Variants in CATSPERE observed in about 807,000 individuals in gnomAD.
CATSPERE encodes catsper channel auxiliary subunit epsilon, also known as cation channel sperm-associated auxiliary subunit epsilon.
Under a neutral mutation model 114.1 loss-of-function variants are expected in CATSPERE, and 93 were observed. That is an observed-to-expected ratio of 0.81 (90% CI 0.69 to 0.97). CATSPERE has a LOEUF of 0.97. CATSPERE is among the 50% of genes least tolerant of loss of function. CATSPERE has a pLI of 0.00. For synonymous variants in CATSPERE, 341 were observed against 384.1 expected, an observed-to-expected ratio of 0.89 and a Z score of 1.31; for missense variants, 1,058 against 1,131.6, an observed-to-expected ratio of 0.93 and a Z score of 0.93.
rs1671554794 is a variant in CATSPERE, at chr1:244,617,572, A to T, written c.2534A>T (p.Asp845Val). The T allele has an allele frequency of 1.9e-6, 3 of 1,539,212 alleles. No individual in the cohort carries two copies. Among genetic ancestry groups the T allele is most frequent in the Non-Finnish European group, 1.7e-6 (2 of 1,143,588 alleles). The change falls in exon 20 of 22, where the codon GAC (aspartate) becomes GTC (valine). Residue 845 changes from aspartate to valine, a missense_variant. Transcript: ENST00000366534. Reference sequence around the variant, plus strand: ...TCTTATGCTATTGGAAAACCAGGAGACTTAAATCAACCATACGAGATTATC... The same window carrying T: ...TCTTATGCTATTGGAAAACCAGGAGTCTTAAATCAACCATACGAGATTATC... ...CFSYAIGKPG[D>V]LNQPYEIINS...
chr1:244,595,738 T>C (rs1484523685), intron 17 of CATSPERE, among the ~76,000 whole-genome samples: 1 of 152,130 alleles, frequency 6.6e-6, no homozygotes, highest in Non-Finnish European at 1.5e-5. Context: ...AAGACCATCC[T>C]GGCTAACACA....
Position 244,475,291 on chromosome 1 carries a change from TG to T in CATSPERE, c.115-2248del, listed in dbSNP as rs527522844. On this transcript the variant is annotated intron_variant, in intron 2 of 21. Coordinates refer to ENST00000366534, the MANE Select transcript of CATSPERE (RefSeq NM_001130957.2). Reference sequence around the variant, plus strand: ...CTCTGTTGCCCAGGCTGGAGTGCAGTGGTATGATCTCGGCTCACTGCAACCT... The same window carrying T: ...CTCTGTTGCCCAGGCTGGAGTGCAGTGTATGATCTCGGCTCACTGCAACCT... Among the ~76,000 whole-genome samples, 39 of 151,792 alleles carry T rather than the reference TG, an allele frequency of 2.6e-4. No homozygotes were observed. In the East Asian group the frequency reaches 7.6e-3, roughly 30 times the overall value.
intron 18 of CATSPERE, among the ~76,000 whole-genome samples, chr1:244,606,013 A>G (rs1427310268): frequency 6.6e-6 from 1 of 152,188 alleles, no homozygotes; most frequent in Non-Finnish European, 1.5e-5. Flanking sequence ...AAAAAATAAC[A>G]TTTATAGTAG....
rs542325809 is a variant in CATSPERE at position 244,461,610 on chromosome 1, A to C, written c.65+116A>C. 3.6e-5 allele frequency: 28 copies of C among 784,414 alleles called. No individual in the cohort carries two copies. The African/African-American group carries it at 4.7e-4, about 13-fold the overall frequency. The allele number at this position is 784,414 out of a possible 1,614,324, so 48.6% of individuals were successfully genotyped here. On this transcript the variant is annotated intron_variant, in intron 1 of 21. Coordinates refer to ENST00000366534, the MANE Select transcript of CATSPERE (RefSeq NM_001130957.2). ...TCGGGACCGCTCGCCCTGGCCGACC[A>C]CTGCCTCGTCTCCTGGCTCCCCAAC...
intron 7 of CATSPERE, among the ~76,000 whole-genome samples, chr1:244,506,052 T>C (rs1157979873): frequency 6.6e-6 from 1 of 152,030 alleles, no homozygotes; most frequent in Non-Finnish European, 1.5e-5. Context: ...CACAGAAATT[T>C]ATCTCCTGTC....
At chr1:244,509,623 A>C (rs1572470445) in intron 7 of CATSPERE, among the ~76,000 whole-genome samples, 1 of 152,196 alleles carries the variant, frequency 6.6e-6, no homozygotes, top group African/African-American at 2.4e-5. Context: ...CTCCCCTTCA[A>C]ATTTTTGGAA....
In CATSPERE at chr1:244,465,894, C is replaced by T. The variant is rs140258541; in HGVS notation, c.114+1938C>T. ...CCTCCAGAGTTGATCTCATTATCTT[C>T]TTCCTAACTTTAGTAGATTTCTTCC... is the stretch of plus-strand genomic sequence containing the variant. On this transcript the variant is annotated intron_variant, in intron 2 of 21. Transcript: ENST00000366534. Among the ~76,000 whole-genome samples the T allele has an allele frequency of 1.5e-4, 23 of 152,288 alleles. No individual in the cohort carries two copies. The East Asian group carries it at 4.4e-3, about 29-fold the overall frequency.
intron 13 of CATSPERE, among the ~76,000 whole-genome samples, chr1:244,585,848 C>G (rs1401696691): frequency 6.6e-6 from 1 of 152,170 alleles, no homozygotes; most frequent in African/African-American, 2.4e-5. Flanking sequence ...TAACCATGCA[C>G]CAAGAACTGG....
chr1:244,477,558 A>G lies in CATSPERE; in HGVS notation c.132A>G (p.Glu44=). The G allele has an allele frequency of 6.3e-7, 1 of 1,594,690 alleles. No individual in the cohort carries two copies. Among genetic ancestry groups the G allele is most frequent in the African/African-American group, 1.3e-5 (1 of 74,544 alleles). ...TTTTTTAGATTAAGTTAGAGTATGA[A>G]GGAACATTATTTACTGAGTGGAGTG... ...STRSTIKLEY[E]GTLFTEWSVP... The change falls in exon 3 of 22, where the codon GAA becomes GAG. Residue 44 remains glutamate, a synonymous_variant. Transcript: ENST00000366534.
chr1:244,498,283 G>T (rs1477651365), intron 6 of CATSPERE, among the ~76,000 whole-genome samples: 2 of 152,116 alleles, frequency 1.3e-5, no homozygotes, highest in Non-Finnish European at 2.9e-5. Flanking sequence ...TTTTGTAAAA[G>T]GGATGAAAAT....
chr1:244,458,896 T>C (rs1455164281), upstream of CATSPERE, among the ~76,000 whole-genome samples: 1 of 152,142 alleles, frequency 6.6e-6, no homozygotes, highest in Non-Finnish European at 1.5e-5. Flanking sequence ...TAGAGCCAAT[T>C]AAAGCCCATT....
chr1:244,548,827 T>G (rs540156657), intron 8 of CATSPERE, among the ~76,000 whole-genome samples: 2 of 152,242 alleles, frequency 1.3e-5, no homozygotes, highest in African/African-American at 4.8e-5. Context: ...TGGTGTTGTT[T>G]TTCTGATTGC....
chr1:244,588,452 G>T (rs767071515), intron 13 of CATSPERE, 30 bp from the exon 14 acceptor site: 3 of 1,561,008 alleles, frequency 1.9e-6, no homozygotes, highest in Admixed American at 1.7e-5. Context: ...CAGAACTGCT[G>T]AACTCACTAC....
intron 8 of CATSPERE, among the ~76,000 whole-genome samples, chr1:244,545,276 C>T (rs1480112283): frequency 2.0e-5 from 3 of 152,184 alleles, no homozygotes; most frequent in Non-Finnish European, 1.5e-5. Flanking sequence ...CTGGCCCCTC[C>T]TATAACCAAG....
intron 20 of CATSPERE, among the ~76,000 whole-genome samples, chr1:244,626,269 T>A (rs2653147): frequency 6.6e-6 from 1 of 151,706 alleles, no homozygotes; most frequent in Non-Finnish European, 1.5e-5. Context: ...GGTGGTCGCC[T>A]GGGATCAGGA....
chr1:244,453,290 A>G (rs909477606), upstream of CATSPERE, among the ~76,000 whole-genome samples: 1 of 152,248 alleles, frequency 6.6e-6, no homozygotes, highest in Admixed American at 6.5e-5. Flanking sequence ...AGTGTTGGGC[A>G]GATAGTAGAT....
chr1:244,477,906 C>T lies in CATSPERE; in HGVS notation c.189C>T (p.Ser63=), dbSNP rs200178961. 4 of 1,601,640 alleles carry T rather than the reference C, an allele frequency of 2.5e-6. No individual in the cohort carries two copies. Among genetic ancestry groups the T allele is most frequent in the Non-Finnish European group, 3.4e-6 (4 of 1,170,292 alleles). Residue 63 remains serine, a splice_region_variant and synonymous_variant, in exon 4 of 22, where the codon AGC becomes AGT. Transcript: ENST00000366534. ...TCTTTCTCATCTTTTTAAACACTAG[C>T]TCACCCACGACAGAATTGCGTTGTT... ...VPETCFVLNK[S]SPTTELRCSS...
intron 7 of CATSPERE, among the ~76,000 whole-genome samples, chr1:244,515,599 G>A (rs1367049949): frequency 2.6e-5 from 4 of 152,194 alleles, no homozygotes; most frequent in Non-Finnish European, 4.4e-5. Flanking sequence ...TATACTCTGA[G>A]AAGAGAGGGG....
At position 244,477,925 on chromosome 1, in the gene CATSPERE, C is replaced by T. The variant is rs559442266; in HGVS notation, c.208C>T (p.Arg70Cys). The T allele has an allele frequency of 1.2e-5, 19 of 1,608,356 alleles. No individual in the cohort carries two copies. The highest frequency in any genetic ancestry group is 4.4e-5 in the South Asian group (4 of 90,758). Residue 70 changes from arginine to cysteine, a missense_variant, in exon 4 of 22, where the codon CGT becomes TGT. Physicochemically the swap from Arg to Cys is radical, Grantham distance 180. Transcript: ENST00000366534. ...CACTAGCTCACCCACGACAGAATTG[C>T]GTTGTTCCTCACCTGGTGTTCACGC... is the stretch of plus-strand genomic sequence containing the variant. The part of the protein sequence containing the change: ...LNKSSPTTEL[R>C]CSSPGVHAIK...
Sources: allele counts gnomAD v4.1 joint callset (sites outside exome capture counted in the v4.1 genomes callset), GRCh38; gene constraint gnomAD v4.1.1; transcripts MANE v1.5; gene names NCBI Gene and HGNC (gene_info 2026-07-23, HGNC 2026-07-21).